The following IL19 variants were observed in gnomAD, a reference collection of about 807,000 sequenced individuals.
IL19 encodes interleukin-19.
A neutral mutation model predicts 19.5 loss-of-function variants in IL19; 15 were observed. The ratio of observed to expected loss-of-function variants is 0.77; its 90% confidence interval spans 0.52 to 1.19. The LOEUF (loss-of-function observed/expected upper bound fraction) is 1.19. Among genes scored for constraint, IL19 ranks in the 50% most tolerant of loss-of-function variants. IL19 has a pLI of 0.00. For missense variants in IL19, 199 were observed against 213.1 expected, an observed-to-expected ratio of 0.93 and a Z score of 0.41; for synonymous variants, 78 against 78.3, an observed-to-expected ratio of 1.00 and a Z score of 0.02.
intron 6 of IL19, among the ~76,000 whole-genome samples, chr1:206,841,943 G>T (rs929318669): frequency 2.0e-5 from 3 of 152,162 alleles, no homozygotes; most frequent in Non-Finnish European, 4.4e-5. Flanking sequence ...TCAATTCCAC[G>T]CTGGCTGGCT....
At chr1:206,781,414 C>CAAAAAAAAAAAAAAAAAAAAAAAAA (rs57060549) in intron 1 of IL19, among the ~76,000 whole-genome samples, 2 of 43,028 alleles carry the variant, frequency 4.6e-5, no homozygotes, top group African/African-American at 9.1e-5. Context: ...GACTCTGTCT[C>CAAAAAAAAAAAAAAAAAAAAAAAAA]AAAAAAAAAA....
intron 1 of IL19, among the ~76,000 whole-genome samples, chr1:206,791,835 C>T (rs974974315): frequency 2.6e-5 from 4 of 152,212 alleles, no homozygotes; most frequent in Admixed American, 6.5e-5. Context: ...GTTGTAACTG[C>T]ACCTCTCACC....
chr1:206,808,203 T>A (rs1227469693), intron 2 of IL19, among the ~76,000 whole-genome samples: 5 of 152,308 alleles, frequency 3.3e-5, no homozygotes, highest in African/African-American at 1.2e-4. Flanking sequence ...TGGTGATATA[T>A]GCCTGTAATC....
intron 5 of IL19, 43 bp downstream of exon 5, chr1:206,840,045 C>T (rs774842315): frequency 1.9e-5 from 30 of 1,610,988 alleles, no homozygotes; most frequent in South Asian, 5.5e-5. Flanking sequence ...TCCCTGTCTG[C>T]CCAAGGAGAG....
At chr1:206,783,835 G>A (rs576358856) in intron 1 of IL19, among the ~76,000 whole-genome samples, 20 of 152,266 alleles carry the variant, frequency 1.3e-4, no homozygotes, top group South Asian at 1.0e-3. Flanking sequence ...CTCCCTGTGC[G>A]GCAGTATCTA....
At chr1:206,801,716 G>T (rs1356338485) in intron 2 of IL19, among the ~76,000 whole-genome samples, 1 of 152,210 alleles carries the variant, frequency 6.6e-6, no homozygotes, top group African/African-American at 2.4e-5. Flanking sequence ...TTGGAGGACA[G>T]TTATCTGTTC....
chr1:206,811,333 A>G (rs1458453562), intron 2 of IL19, among the ~76,000 whole-genome samples: 2 of 151,710 alleles, frequency 1.3e-5, no homozygotes, highest in Non-Finnish European at 2.9e-5. Flanking sequence ...AGTCCCAGCT[A>G]CTCAGGAGGC....
intron 5 of IL19, 51 bp from the exon 6 acceptor site, chr1:206,840,952 AG>A: frequency 5.5e-6 from 8 of 1,445,718 alleles, no homozygotes; most frequent in South Asian, 2.3e-5. Context: ...GGAGTAAGAG[AG>A]GGCCAGAGTG....
In IL19 at chr1:206,842,888, A is replaced by C; in HGVS notation, c.*266A>C. The C allele has an allele frequency of 2.8e-6, 1 of 359,804 alleles. No individual in the cohort carries two copies. The highest frequency in any genetic ancestry group is 5.1e-6 in the Non-Finnish European group (1 of 194,250). The allele number at this position is 359,804 out of a possible 1,614,324, so 22.3% of individuals were successfully genotyped here. A position where few individuals can be genotyped will look rare whatever the true frequency, so the allele number is the denominator to read the frequency against. ...CCCATCTAATTTATTGTAAAGTCATATAGTCCATGTCTGTGATGTGAGCCA... is the reference window on the plus strand; with the variant it reads ...CCCATCTAATTTATTGTAAAGTCATCTAGTCCATGTCTGTGATGTGAGCCA... On this transcript the variant is annotated 3_prime_UTR_variant, in exon 7 of 7. Transcript: ENST00000659997.
chr1:206,798,788 C>T (rs1052296363), intron 1 of IL19, 73 bp from the exon 2 acceptor site: 1 of 796,864 alleles, frequency 1.3e-6, no homozygotes, highest in South Asian at 1.7e-5. Flanking sequence ...CTTTTGCCGA[C>T]CTCAAAGCCA....
intron 2 of IL19, among the ~76,000 whole-genome samples, chr1:206,834,773 G>T (rs1349618548): frequency 6.6e-6 from 1 of 152,140 alleles, no homozygotes; most frequent in Non-Finnish European, 1.5e-5. Flanking sequence ...TCAGAAATGG[G>T]TTCCTGTCTG....
intron 1 of IL19, among the ~76,000 whole-genome samples, chr1:206,792,962 C>T (rs1220303718): frequency 6.6e-6 from 1 of 152,200 alleles, no homozygotes; most frequent in Non-Finnish European, 1.5e-5. Flanking sequence ...TGAAGTACTT[C>T]GTGGTGCCTG....
Position 206,775,709 on chromosome 1 carries a change from C to T in IL19, c.-149+4631C>T, listed in dbSNP as rs45507299. 3.4e-3 allele frequency among the ~76,000 whole-genome samples: 525 copies of T among 152,306 alleles called. 2 individuals carry two copies. Among genetic ancestry groups the T allele is most frequent in the Non-Finnish European group, 6.3e-3 (431 of 68,042 alleles). On this transcript the variant is annotated intron_variant, in intron 1 of 6. Transcript: ENST00000659997. ...TGTTCATCTGAAAAGTCACTGGGGT[C>T]CACGGGGAAAAGTCCCAAGCCCATA...
intron 1 of IL19, among the ~76,000 whole-genome samples, chr1:206,773,148 G>C (rs979894506): frequency 1.3e-5 from 2 of 152,166 alleles, no homozygotes; most frequent in African/African-American, 4.8e-5. Flanking sequence ...CTCTTCAGCT[G>C]TCCCCCACCC....
At chr1:206,830,486 TA>T (rs1292519208) in intron 2 of IL19, among the ~76,000 whole-genome samples, 1 of 152,112 alleles carries the variant, frequency 6.6e-6, no homozygotes, top group Non-Finnish European at 1.5e-5. Flanking sequence ...ATGATCTAGA[TA>T]TATTTACCAA....
At chr1:206,830,840 G>A (rs1346784170) in intron 2 of IL19, among the ~76,000 whole-genome samples, 1 of 152,234 alleles carries the variant, frequency 6.6e-6, no homozygotes, top group Non-Finnish European at 1.5e-5. Context: ...GCCTCCCAAA[G>A]TGCTGGGATT....
intron 2 of IL19, among the ~76,000 whole-genome samples, chr1:206,801,696 C>T (rs1051652774): frequency 2.1e-4 from 32 of 152,214 alleles, no homozygotes; most frequent in Admixed American, 8.5e-4. Flanking sequence ...CTATTATTAC[C>T]CCCACTTCCT....
intron 2 of IL19, 110 bp downstream of exon 2, chr1:206,799,116 C>A: frequency 1.3e-6 from 1 of 754,876 alleles, no homozygotes. Context: ...CACCTATGAA[C>A]TGACAGGACT....
chr1:206,779,854 CTCTT>C (rs1675091047), intron 1 of IL19, among the ~76,000 whole-genome samples: 1 of 145,970 alleles, frequency 6.9e-6, no homozygotes, highest in Non-Finnish European at 1.5e-5. Context: ...CTCTCTCTCT[CTCTT>C]TTTTTTTTTT....
Sources: allele counts gnomAD v4.1 joint callset (sites outside exome capture counted in the v4.1 genomes callset), GRCh38; gene constraint gnomAD v4.1.1; transcripts MANE v1.5; gene names NCBI Gene and HGNC (gene_info 2026-07-23, HGNC 2026-07-21).